Variants in GARIN1A observed in about 807,000 individuals in gnomAD.
The protein encoded by GARIN1A is golgi associated RAB2 interactor 1A, also known as Golgi-associated RAB2 interactor protein 1A.
the GARIN1A span, chr7:128,685,768 C>A: frequency 6.6e-6 from 1 of 152,202 alleles, no homozygotes; most frequent in African/African-American, 2.4e-5. Flanking sequence ...TTAATACATA[C>A]CCATTTCACT....
At chr7:128,687,420 A>ATGG in the GARIN1A span, 6 of 80,728 alleles carry the variant, frequency 7.4e-5, no homozygotes. Flanking sequence ...CGATCTTGGA[A>ATGG]TGCTCTGACA....
chr7:128,702,381 G>A, the GARIN1A span, among the ~76,000 whole-genome samples: 1 of 152,126 alleles, frequency 6.6e-6, no homozygotes, highest in Non-Finnish European at 1.5e-5. Flanking sequence ...GAAAAGACAG[G>A]AGGGAGATAT....
chr7:128,698,666 C>G, the GARIN1A span, among the ~76,000 whole-genome samples: 1 of 152,302 alleles, frequency 6.6e-6, no homozygotes, highest in Admixed American at 6.5e-5. Flanking sequence ...GTGGCCCGAT[C>G]TTGGCTCACT....
the GARIN1A span, among the ~76,000 whole-genome samples, chr7:128,692,707 A>G: frequency 3.0e-3 from 460 of 152,324 alleles, 2 homozygotes; most frequent in African/African-American, 0.01. Flanking sequence ...ATGCCTTTGT[A>G]AGTCTTGAGA....
chr7:128,699,912 T>A, the GARIN1A span, among the ~76,000 whole-genome samples: 3 of 152,232 alleles, frequency 2.0e-5, no homozygotes, highest in Admixed American at 2.0e-4. Flanking sequence ...TATTTTTTTT[T>A]ATGTTCCTGG....
chr7:128,671,967 A>C, the GARIN1A span, among the ~76,000 whole-genome samples: 68,081 of 151,434 alleles, frequency 0.45, 15,253 homozygotes, highest in East Asian at 0.56. Flanking sequence ...AGGGGCTTCA[A>C]GGGGAGCCAA....
chr7:128,693,627 G>A, the GARIN1A span: 4 of 152,538 alleles, frequency 2.6e-5, no homozygotes, highest in African/African-American at 4.8e-5. Flanking sequence ...TGCTGCACAA[G>A]CTGTATGCTC....
chr7:128,697,554 GT>G, the GARIN1A span: 1 of 152,768 alleles, frequency 6.5e-6, no homozygotes, highest in Non-Finnish European at 1.5e-5. Context: ...GGTGCTGTAG[GT>G]TTTTGGCTTC....
the GARIN1A span, chr7:128,687,207 T>A: frequency 6.6e-6 from 1 of 152,270 alleles, no homozygotes; most frequent in African/African-American, 2.4e-5. Context: ...AGCATTTTTA[T>A]AGCATTTCTC....
chr7:128,687,311 T>G, the GARIN1A span: 1 of 152,238 alleles, frequency 6.6e-6, no homozygotes, highest in Non-Finnish European at 1.5e-5. Flanking sequence ...TTAGACTTCT[T>G]TGGTTGCCAG....
chr7:128,708,416 T>TAATC, the GARIN1A span, among the ~76,000 whole-genome samples: 1 of 152,152 alleles, frequency 6.6e-6, no homozygotes, highest in Non-Finnish European at 1.5e-5. Context: ...TCTCATGAGG[T>TAATC]AATCCTTCGT....
the GARIN1A span, chr7:128,686,762 G>C: frequency 6.6e-6 from 1 of 152,200 alleles, no homozygotes; most frequent in African/African-American, 2.4e-5. Flanking sequence ...TGTAGTCCCA[G>C]CTACTCAGGA....
chr7:128,687,931 G>T, the GARIN1A span: 1 of 152,138 alleles, frequency 6.6e-6, no homozygotes. Context: ...CTGCTTGCTT[G>T]CCTAGTCATT....
At chr7:128,689,344 C>T in the GARIN1A span, among the ~76,000 whole-genome samples, 1 of 151,954 alleles carries the variant, frequency 6.6e-6, no homozygotes, top group African/African-American at 2.4e-5. Flanking sequence ...GCCATCCCAT[C>T]TAGGAACTGA....
chr7:128,674,639 G>T, the GARIN1A span, among the ~76,000 whole-genome samples: 1 of 152,064 alleles, frequency 6.6e-6, no homozygotes, highest in Non-Finnish European at 1.5e-5. Flanking sequence ...CCTCAACAAG[G>T]GCTCCAAGAA....
chr7:128,690,116 C>G, the GARIN1A span, among the ~76,000 whole-genome samples: 2 of 152,208 alleles, frequency 1.3e-5, no homozygotes, highest in Non-Finnish European at 2.9e-5. Flanking sequence ...CCCCCAACCC[C>G]ATGCTCTCTG....
the GARIN1A span, among the ~76,000 whole-genome samples, chr7:128,676,489 GTCTTTTAAAA>G: frequency 6.6e-6 from 1 of 151,738 alleles, no homozygotes; most frequent in African/African-American, 2.4e-5. Flanking sequence ...ACGTTTCCAT[GTCTTTTAAAA>G]TCTTTTTGTA....
At chr7:128,691,856 C>A in the GARIN1A span, 1 of 152,266 alleles carries the variant, frequency 6.6e-6, no homozygotes, top group Middle Eastern at 3.2e-3. Flanking sequence ...AGTAACCACT[C>A]CCTCCCTTCA....
chr7:128,676,952 C>T, the GARIN1A span, among the ~76,000 whole-genome samples: 2 of 151,284 alleles, frequency 1.3e-5, no homozygotes, highest in African/African-American at 2.4e-5. Flanking sequence ...GTGGGAGGAT[C>T]GCTTGAAGCC....
Sources: gnomAD v4.1 joint callset for allele counts (sites outside exome capture counted in the v4.1 genomes callset) on GRCh38, gnomAD v4.1.1 for gene constraint, MANE v1.5 for transcripts, NCBI Gene and HGNC (gene_info 2026-07-23, HGNC 2026-07-21) for gene names.